KIRREL3: variants seen among roughly 807,000 people sequenced by gnomAD.
The protein encoded by KIRREL3 is kirre like nephrin family adhesion molecule 3, also known as kin of IRRE-like protein 3.
Under a neutral mutation model 89.7 loss-of-function variants are expected in KIRREL3, and 36 were observed. The ratio of observed to expected loss-of-function variants is 0.40; its 90% CI spans 0.31 to 0.53. The LOEUF (loss-of-function observed/expected upper bound fraction) is 0.53, where lower values mean the gene tolerates loss of function less well. KIRREL3 is among the 20% of genes least tolerant of loss of function. KIRREL3 has a pLI of 0.49. For synonymous variants in KIRREL3, 445 were observed against 441.4 expected, an observed-to-expected ratio of 1.01 and a Z score of -0.10; for missense variants, 864 against 1,056.6, an observed-to-expected ratio of 0.82 and a Z score of 2.53.
chr11:126,659,764 G>A (rs1438258296), intron 1 of KIRREL3, among the ~76,000 whole-genome samples: 1 of 152,198 alleles, frequency 6.6e-6, no homozygotes, highest in Non-Finnish European at 1.5e-5. Context: ...CAAGGAACAT[G>A]CCCCAGACAA....
intron 1 of KIRREL3, among the ~76,000 whole-genome samples, chr11:126,749,163 C>T (rs1209811235): frequency 6.6e-6 from 1 of 152,194 alleles, no homozygotes; most frequent in East Asian, 1.9e-4. Flanking sequence ...GCACCTTGTC[C>T]TCCCTGCTTT....
chr11:126,469,620 T>G (rs1452401968), intron 5 of KIRREL3, among the ~76,000 whole-genome samples: 2 of 152,206 alleles, frequency 1.3e-5, no homozygotes, highest in Non-Finnish European at 2.9e-5. Context: ...GAAGCTCCAC[T>G]GACGTGTGCG....
chr11:126,546,939 G>A lies in KIRREL3; in HGVS notation c.133+15896C>T, dbSNP rs73634634. On this transcript the variant is annotated intron_variant, in intron 2 of 16. Transcript: ENST00000525144. ...AAGGTCAAAGTCATATACTGAGACAGGAACAGAACTAATTTTTAAAAAACA... is the reference window on the plus strand; with the variant it reads ...AAGGTCAAAGTCATATACTGAGACAAGAACAGAACTAATTTTTAAAAAACA... Among the ~76,000 whole-genome samples, 537 of 152,310 alleles carry A rather than the reference G, an allele frequency of 3.5e-3. 2 individuals carry two copies. The highest frequency in any genetic ancestry group is 0.012 in the African/African-American group (512 of 41,568).
chr11:126,730,773 C>T (rs1403757484), intron 1 of KIRREL3, among the ~76,000 whole-genome samples: 2 of 152,096 alleles, frequency 1.3e-5, no homozygotes, highest in Non-Finnish European at 2.9e-5. Context: ...GAGTCTTGCT[C>T]TGTCACCCAG....
chr11:126,649,091 T>C (rs1222471899), intron 1 of KIRREL3, among the ~76,000 whole-genome samples: 2 of 152,172 alleles, frequency 1.3e-5, no homozygotes, highest in Non-Finnish European at 2.9e-5. Context: ...AAACGCCTGA[T>C]ATAACCATCA....
chr11:126,813,851 A>G (rs923212567), intron 1 of KIRREL3, among the ~76,000 whole-genome samples: 5 of 152,204 alleles, frequency 3.3e-5, no homozygotes, highest in African/African-American at 1.2e-4. Context: ...ACATAGGCAC[A>G]TGCAAGGGTT....
chr11:126,849,310 C>T (rs1944257476), intron 1 of KIRREL3, among the ~76,000 whole-genome samples: 1 of 152,124 alleles, frequency 6.6e-6, no homozygotes, highest in African/African-American at 2.4e-5. Context: ...ATGAATAATC[C>T]ACCCCTTGTT....
At chr11:126,939,975 CCT>C (rs928196662) in intron 1 of KIRREL3, among the ~76,000 whole-genome samples, 1 of 152,162 alleles carries the variant, frequency 6.6e-6, no homozygotes, top group Non-Finnish European at 1.5e-5. Context: ...GACTTTACCT[CCT>C]CTGACTTTTC....
chr11:126,596,857 G>C (rs1224348617), intron 1 of KIRREL3, among the ~76,000 whole-genome samples: 8 of 152,174 alleles, frequency 5.3e-5, no homozygotes, highest in African/African-American at 1.9e-4. Flanking sequence ...TCTAGCCTTG[G>C]GCAAGAGAGA....
In KIRREL3 at chr11:126,900,877, A is replaced by AT. The variant is rs375356697; in HGVS notation, c.55+99577dup. On this transcript the variant is annotated intron_variant, in intron 1 of 16. Transcript: ENST00000525144. This position sits in a 1 kb window ranked among gnomAD's most constrained non-coding sequence, Gnocchi z 4.4. ...AGTTGCAAGTTAACTCAAGTAACTG[A>AT]TTTTTTGTATGTAAAACTGTAGGAA... is the stretch of plus-strand genomic sequence containing the variant. Among the ~76,000 whole-genome samples the AT allele has an allele frequency of 1.3e-5, 2 of 152,174 alleles. No individual in the cohort carries two copies. The highest frequency in any genetic ancestry group is 2.4e-5 in the African/African-American group (1 of 41,428).
intron 1 of KIRREL3, chr11:126,988,422 A>C (rs1949933185): frequency 6.5e-6 from 1 of 152,784 alleles, no homozygotes; most frequent in Non-Finnish European, 1.5e-5. Context: ...CCCACCGGCC[A>C]GGGCAGGGGT....
In KIRREL3 at chr11:126,491,010, T is replaced by C. The variant is rs1450865070; in HGVS notation, c.434-17544A>G. Among the ~76,000 whole-genome samples, 3 of 152,184 alleles carry C rather than the reference T, an allele frequency of 2.0e-5. No homozygotes were observed. The highest frequency in any genetic ancestry group is 3.4e-3 in the Middle Eastern group (1 of 294). On this transcript the variant is annotated intron_variant, in intron 4 of 16. Transcript: ENST00000525144. This position sits in a 1 kb window ranked among gnomAD's most constrained non-coding sequence, Gnocchi z 5.5. ...GAGAGCCTGTTGTCTCTTTGGAGAA[T>C]GGGGCAGGGCTCTGTCTGGATTTTG...
At chr11:126,751,654 T>G (rs1236800633) in intron 1 of KIRREL3, among the ~76,000 whole-genome samples, 1 of 151,324 alleles carries the variant, frequency 6.6e-6, no homozygotes, top group Non-Finnish European at 1.5e-5. Context: ...CCTCACTAAA[T>G]ATTCTTTTTG....
chr11:126,806,840 C>A (rs1951219738), intron 1 of KIRREL3, among the ~76,000 whole-genome samples: 2 of 152,056 alleles, frequency 1.3e-5, no homozygotes, highest in African/African-American at 4.8e-5. Flanking sequence ...CCTTGCCCCC[C>A]ACCCCCAACA....
intron 1 of KIRREL3, among the ~76,000 whole-genome samples, chr11:126,971,443 T>C (rs1402871833): frequency 6.6e-5 from 10 of 152,004 alleles, no homozygotes; most frequent in African/African-American, 1.5e-4. Flanking sequence ...CTGGACAGGG[T>C]TTTTATGTTC....
At chr11:126,600,738 A>T (rs537854679) in intron 1 of KIRREL3, among the ~76,000 whole-genome samples, 15 of 152,288 alleles carry the variant, frequency 9.8e-5, no homozygotes, top group African/African-American at 2.2e-4. Flanking sequence ...TAAAATTTGA[A>T]TTTTTGCCAG....
chr11:126,870,589 T>C lies in KIRREL3; in HGVS notation c.55+129866A>G, dbSNP rs1266597325. ...TCCTGGCTCCACCATACCCTCACCA[T>C]GCCAGGCTTGGCAGGCCCCAAACTG... On this transcript the variant is annotated intron_variant, in intron 1 of 16. Coordinates refer to ENST00000525144, the MANE Select transcript of KIRREL3 (RefSeq NM_032531.4). This position sits in a 1 kb window ranked among gnomAD's most constrained non-coding sequence, Gnocchi z 4.4. Among the ~76,000 whole-genome samples, 1 of 152,190 alleles carries C rather than the reference T, an allele frequency of 6.6e-6. No homozygotes were observed. Among genetic ancestry groups the C allele is most frequent in the Admixed American group, 6.5e-5 (1 of 15,274 alleles).
At position 126,764,985 on chromosome 11, in the gene KIRREL3, A is replaced by G. The variant is rs1362647976; in HGVS notation, c.56-202073T>C. On this transcript the variant is annotated intron_variant, in intron 1 of 16. Transcript: ENST00000525144. This position sits in a 1 kb window ranked among gnomAD's most constrained non-coding sequence, Gnocchi z 4.2. ...ATTTTGGAAACTTTTGAGGGTACAA[A>G]TAGTATACAGGTCAAAAAGTAAAAG... Among the ~76,000 whole-genome samples the G allele has an allele frequency of 6.6e-6, 1 of 152,210 alleles. No homozygotes were observed. The highest frequency in any genetic ancestry group is 2.4e-5 in the African/African-American group (1 of 41,440).
chr11:126,985,536 G>A lies in KIRREL3; in HGVS notation c.55+14919C>T, dbSNP rs1256779565. Among the ~76,000 whole-genome samples, 2 of 152,180 alleles carry A rather than the reference G, an allele frequency of 1.3e-5. No individual in the cohort carries two copies. The highest frequency in any genetic ancestry group is 1.5e-5 in the Non-Finnish European group (1 of 68,036). The stretch of plus-strand genomic sequence containing the variant: ...AGGAAACTTCCACCAGGAGGCAAAA[G>A]GAGCTGAGTCTTTAGGGTAGAAGTT... On this transcript the variant is annotated intron_variant, in intron 1 of 16. Transcript: ENST00000525144. The surrounding 1 kb of genome is among the most constrained non-coding windows in gnomAD (Gnocchi z 5.3).
Sources: allele counts gnomAD v4.1 joint callset (sites outside exome capture counted in the v4.1 genomes callset), GRCh38; gene constraint gnomAD v4.1.1; non-coding constraint Gnocchi (gnomAD v3.1); transcripts MANE v1.5; gene names NCBI Gene and HGNC (gene_info 2026-07-23, HGNC 2026-07-21).